Variants in KCNMB2 observed in about 807,000 individuals in gnomAD.
The protein encoded by KCNMB2 is potassium calcium-activated channel subfamily M regulatory beta subunit 2.
In KCNMB2, 9 loss-of-function variants were observed where a neutral mutation model predicts 24.5. That is an observed-to-expected ratio of 0.37 (90% CI 0.22 to 0.64). The LOEUF (loss-of-function observed/expected upper bound fraction) is 0.64. Among genes scored for constraint, KCNMB2 ranks in the 30% least tolerant of loss-of-function variants. The pLI, the probability that KCNMB2 is intolerant of heterozygous loss-of-function variation, is 0.63. For missense variants in KCNMB2, 226 were observed against 284.3 expected, an observed-to-expected ratio of 0.79 and a Z score of 1.47; for synonymous variants, 109 against 104.4, an observed-to-expected ratio of 1.04 and a Z score of -0.27.
chr3:178,635,495 A>G (rs1719489835), intron 1 of KCNMB2, among the ~76,000 whole-genome samples: 1 of 151,958 alleles, frequency 6.6e-6, no homozygotes, highest in Admixed American at 6.6e-5. Context: ...GGGAAAAACA[A>G]CAGACAACTT....
intron 1 of KCNMB2, among the ~76,000 whole-genome samples, chr3:178,676,244 C>T (rs984782699): frequency 3.3e-5 from 5 of 152,112 alleles, no homozygotes; most frequent in Admixed American, 6.5e-5. Context: ...AGAGCCTGGA[C>T]GCACACCAGA....
At chr3:178,656,600 C>A (rs56869646) in intron 1 of KCNMB2, among the ~76,000 whole-genome samples, 14,927 of 151,966 alleles carry the variant, frequency 0.098, 859 homozygotes, top group Middle Eastern at 0.17. Context: ...AGGTGAAACC[C>A]CGTCTCTACT....
At chr3:178,582,535 G>A (rs75813444) in intron 1 of KCNMB2, among the ~76,000 whole-genome samples, 7,326 of 152,116 alleles carry the variant, frequency 0.048, 239 homozygotes, top group Non-Finnish European at 0.078. Context: ...CAGATAAGGA[G>A]CATAACAAAT....
chr3:178,658,446 C>A (rs1177949106), intron 1 of KCNMB2, among the ~76,000 whole-genome samples: 2 of 152,232 alleles, frequency 1.3e-5, no homozygotes, highest in Admixed American at 6.5e-5. Flanking sequence ...TACTTCCTCC[C>A]TTTTCTCTAG....
intron 1 of KCNMB2, among the ~76,000 whole-genome samples, chr3:178,641,549 A>C (rs1719727656): frequency 6.6e-6 from 1 of 152,100 alleles, no homozygotes. Context: ...ATAATCACTG[A>C]TTTATTCCAG....
chr3:178,718,308 T>C (rs1006780377), intron 1 of KCNMB2, among the ~76,000 whole-genome samples: 2 of 152,256 alleles, frequency 1.3e-5, no homozygotes, highest in Non-Finnish European at 2.9e-5. Flanking sequence ...CATTGCCCTG[T>C]ATGCAGGTAA....
intron 1 of KCNMB2, among the ~76,000 whole-genome samples, chr3:178,550,286 T>C (rs1345203296): frequency 7.2e-6 from 1 of 139,456 alleles, no homozygotes; most frequent in African/African-American, 2.9e-5. Context: ...CCATTTCTAC[T>C]AAAAATACAA....
At chr3:178,758,129 C>T (rs1295298602) in intron 1 of KCNMB2, among the ~76,000 whole-genome samples, 6 of 30,012 alleles carry the variant, frequency 2.0e-4, no homozygotes, top group South Asian at 1.1e-3. Context: ...TATATATGTA[C>T]ACACAAGAGG....
At chr3:178,570,493 CATTGA>C (rs1716733597) in intron 1 of KCNMB2, among the ~76,000 whole-genome samples, 2 of 143,314 alleles carry the variant, frequency 1.4e-5, no homozygotes, top group African/African-American at 5.1e-5. Context: ...CCCTTCTGAA[CATTGA>C]CCAAAGGTAA....
At chr3:178,734,089 ATTTTTTCAGG>A (rs1305947086) in intron 1 of KCNMB2, among the ~76,000 whole-genome samples, 2 of 152,108 alleles carry the variant, frequency 1.3e-5, no homozygotes, top group African/African-American at 4.8e-5. Flanking sequence ...CAAATTTCAG[ATTTTTTCAGG>A]TTTTGAAGCA....
At chr3:178,627,176 T>G (rs1719151230) in intron 1 of KCNMB2, among the ~76,000 whole-genome samples, 1 of 152,144 alleles carries the variant, frequency 6.6e-6, no homozygotes, top group Non-Finnish European at 1.5e-5. Flanking sequence ...TCTAAACTTC[T>G]GAAGTAACCA....
At chr3:178,570,189 A>G (rs1427200774) in intron 1 of KCNMB2, among the ~76,000 whole-genome samples, 1 of 152,166 alleles carries the variant, frequency 6.6e-6, no homozygotes, top group Non-Finnish European at 1.5e-5. Flanking sequence ...AGTCATCACT[A>G]TCTTGAAACC....
chr3:178,792,859 C>T (rs1350970171), intron 1 of KCNMB2, among the ~76,000 whole-genome samples: 1 of 152,226 alleles, frequency 6.6e-6, no homozygotes, highest in Non-Finnish European at 1.5e-5. Flanking sequence ...AAGCCTGCAG[C>T]CTGACGCCCT....
chr3:178,682,388 A>G (rs1358511559), intron 1 of KCNMB2, among the ~76,000 whole-genome samples: 1 of 152,018 alleles, frequency 6.6e-6, no homozygotes, highest in African/African-American at 2.4e-5. Context: ...CTAAGCTGCC[A>G]CAATCACAAG....
At chr3:178,655,107 T>TCTCC (rs905819871) in intron 1 of KCNMB2, among the ~76,000 whole-genome samples, 3 of 135,676 alleles carry the variant, frequency 2.2e-5, no homozygotes, top group African/African-American at 8.6e-5. Context: ...TCTCTCTCTC[T>TCTCC]CTCTCTCTCT....
intron 1 of KCNMB2, among the ~76,000 whole-genome samples, chr3:178,573,364 G>A (rs1017234676): frequency 7.9e-5 from 12 of 152,056 alleles, no homozygotes; most frequent in African/African-American, 2.9e-4. Context: ...TAAATCAGTA[G>A]TATAGATATT....
chr3:178,730,787 T>A (rs1006234540), intron 1 of KCNMB2, among the ~76,000 whole-genome samples: 1 of 152,046 alleles, frequency 6.6e-6, no homozygotes, highest in Non-Finnish European at 1.5e-5. Flanking sequence ...GCCTTCCCCC[T>A]GCCTGGAATG....
chr3:178,571,995 G>A (rs1412318568), intron 1 of KCNMB2, among the ~76,000 whole-genome samples: 2 of 152,138 alleles, frequency 1.3e-5, no homozygotes, highest in African/African-American at 2.4e-5. Flanking sequence ...ATAAACACAC[G>A]TGTGCATGTG....
At chr3:178,745,249 G>C (rs1723625717) in intron 1 of KCNMB2, among the ~76,000 whole-genome samples, 1 of 152,176 alleles carries the variant, frequency 6.6e-6, no homozygotes, top group Non-Finnish European at 1.5e-5. Context: ...GGCTGGGGAA[G>C]CCTCACAATC....
Sources: allele counts gnomAD v4.1 joint callset (sites outside exome capture counted in the v4.1 genomes callset), GRCh38; gene constraint gnomAD v4.1.1; transcripts MANE v1.5; gene names NCBI Gene and HGNC (gene_info 2026-07-23, HGNC 2026-07-21).